Variants in CCNC observed in about 807,000 individuals in gnomAD.
CCNC encodes cyclin C.
CCNC carries 19 observed loss-of-function variants against 50.0 expected under a neutral mutation model. The ratio of observed to expected loss-of-function variants is 0.38; its 90% CI spans 0.27 to 0.56. The LOEUF (loss-of-function observed/expected upper bound fraction) is 0.56. Ranked by LOEUF, CCNC falls within the 20% of genes least tolerant of loss-of-function variation. CCNC has a pLI of 0.72. For synonymous variants in CCNC, 93 were observed against 103.7 expected (o/e 0.90, Z 0.63); for missense variants, 200 against 327.1 (o/e 0.61, Z 3.00).
At chr6:99,567,420 C>A (rs9385794) in intron 1 of CCNC, among the ~76,000 whole-genome samples, 1 of 83,596 alleles carries the variant, frequency 1.2e-5, no homozygotes, top group Non-Finnish European at 2.4e-5. Context: ...CACACACACA[C>A]ATATATATAC....
At chr6:99,558,368 T>G (rs486881) in intron 5 of CCNC, 129 bp downstream of exon 5, 1,140,385 of 1,405,512 alleles carry the variant, frequency 0.81, 466,495 homozygotes, top group East Asian at 1. Context: ...AGATATAAAG[T>G]TATCCTCAGG....
At chr6:99,557,443 T>G (rs1437033661) in intron 5 of CCNC, 1 of 152,130 alleles carries the variant, frequency 6.6e-6, no homozygotes, top group Admixed American at 6.6e-5. Context: ...AATTCGTATG[T>G]TGAAGCCCTA....
chr6:99,561,222 G>T, intron 4 of CCNC, 145 bp downstream of exon 4: 1 of 667,288 alleles, frequency 1.5e-6, no homozygotes, highest in South Asian at 1.8e-5. Context: ...ATAAGGATAT[G>T]TATATATTTC....
chr6:99,562,942 T>C lies in CCNC; in HGVS notation c.39A>G (p.Gln13=), dbSNP rs747362159. Residue 13 remains glutamine, a synonymous_variant, in exon 2 of 12, where the codon CAA becomes CAG. Coordinates refer to ENST00000520429, the MANE Select transcript of CCNC (RefSeq NM_005190.4). ...ACAGATCTTGTTTATCCAAAATCCA[T>C]TGCAAACTAGAAAAGACATGTTACA... ...GNFWQSSHYL[Q]WILDKQDLLK... The C allele has an allele frequency of 2.3e-5, 36 of 1,591,274 alleles. No homozygotes were observed. The highest frequency in any genetic ancestry group is 4.5e-5 in the South Asian group (4 of 88,662).
At chr6:99,545,962 C>A (rs1371423527) in intron 10 of CCNC, among the ~76,000 whole-genome samples, 1 of 152,078 alleles carries the variant, frequency 6.6e-6, no homozygotes, top group Non-Finnish European at 1.5e-5. Flanking sequence ...AGCATTAACT[C>A]TTCCTACCAA....
intron 11 of CCNC, among the ~76,000 whole-genome samples, chr6:99,544,689 T>C (rs537482561): frequency 1.5e-4 from 22 of 151,026 alleles, no homozygotes; most frequent in Non-Finnish European, 2.1e-4. Flanking sequence ...AGATCATTCA[T>C]TGAAATTTTT....
At chr6:99,547,277 A>T (rs1247616615) in intron 9 of CCNC, among the ~76,000 whole-genome samples, 1 of 152,158 alleles carries the variant, frequency 6.6e-6, no homozygotes, top group Non-Finnish European at 1.5e-5. Flanking sequence ...AAGCAAAGCT[A>T]TGAGTAGGGC....
Position 99,561,428 on chromosome 6 carries a change from A to G in CCNC, c.233T>C (p.Leu78Pro). ...CATTAATACAGGATCTATACTTTTC[A>G]GAGAATACCTAAAATATGATAAAAC... ...YFKRFYARYS[L>P]KSIDPVLMAP... Residue 78 changes from leucine (L) to proline (P), a missense_variant, in exon 4 of 12, where the codon CTG (leucine) becomes CCG (proline). Leu to Pro is a moderately conservative substitution (Grantham distance 98). Transcript: ENST00000520429. 6.4e-7 allele frequency: 1 copy of G among 1,564,596 alleles called. No individual in the cohort carries two copies. Among genetic ancestry groups the G allele is most frequent in the Non-Finnish European group, 8.6e-7 (1 of 1,159,036 alleles).
intron 6 of CCNC, among the ~76,000 whole-genome samples, chr6:99,551,623 CAAGGTGATTTAA>C (rs901682151): frequency 7.2e-5 from 11 of 152,006 alleles, no homozygotes; most frequent in African/African-American, 2.7e-4. Context: ...TACAAGTTCC[CAAGGTGATTTAA>C]TGAGCAGCCA....
At chr6:99,550,382 A>T in intron 7 of CCNC, 73 bp from the exon 8 acceptor site, 1 of 994,962 alleles carries the variant, frequency 1.0e-6, no homozygotes, top group Non-Finnish European at 1.5e-6. Flanking sequence ...ATCATTACCC[A>T]ACTGATTTGT....
At chr6:99,567,036 G>T (rs1488975536) in intron 1 of CCNC, 4 of 408,268 alleles carry the variant, frequency 9.8e-6, no homozygotes, top group African/African-American at 8.4e-5. Context: ...CCTTCTTTTA[G>T]GACTATTTGA....
intron 10 of CCNC, 62 bp downstream of exon 10, chr6:99,546,333 A>G (rs1469328077): frequency 9.2e-7 from 1 of 1,088,524 alleles, no homozygotes; most frequent in Non-Finnish European, 1.4e-6. Context: ...TTTTAGGCTC[A>G]TGATAAGTAA....
At chr6:99,559,190 C>CTA (rs1214206582) in intron 4 of CCNC, among the ~76,000 whole-genome samples, 2 of 140,404 alleles carry the variant, frequency 1.4e-5, no homozygotes, top group African/African-American at 5.5e-5. Flanking sequence ...ACCAAAAGAA[C>CTA]TAAAAAAAAA....
intron 10 of CCNC, 149 bp from the exon 11 acceptor site, chr6:99,545,379 C>T (rs1203862772): frequency 2.4e-5 from 14 of 571,682 alleles, no homozygotes; most frequent in Non-Finnish European, 4.4e-5. Context: ...TTTTTCACCA[C>T]AGTGCTGTTT....
intron 1 of CCNC, among the ~76,000 whole-genome samples, chr6:99,567,406 C>T (rs574111331): frequency 1.7e-5 from 2 of 117,202 alleles, no homozygotes. Context: ...TATATATATA[C>T]ATACACACAC....
At chr6:99,549,263 C>T (rs1420204474) in intron 9 of CCNC, 17 of 560,576 alleles carry the variant, frequency 3.0e-5, no homozygotes, top group Middle Eastern at 5.0e-4. Flanking sequence ...ATTCAGACAC[C>T]GATTAAAACT....
intron 10 of CCNC, among the ~76,000 whole-genome samples, 190 bp from the exon 11 acceptor site, chr6:99,545,420 G>A (rs990432220): frequency 6.6e-6 from 1 of 152,070 alleles, no homozygotes; most frequent in Non-Finnish European, 1.5e-5. Context: ...TCATTTTTCA[G>A]CATGTGTGCA....
chr6:99,564,935 A>G (rs1769056318), intron 1 of CCNC, among the ~76,000 whole-genome samples: 1 of 152,168 alleles, frequency 6.6e-6, no homozygotes, highest in Non-Finnish European at 1.5e-5. Context: ...CAGAGTATAA[A>G]GCAGGGATCC....
chr6:99,551,911 A>C lies in CCNC; in HGVS notation c.347-16T>G. 1 of 1,391,808 alleles carries C rather than the reference A, an allele frequency of 7.2e-7. No homozygotes were observed. Among genetic ancestry groups the C allele is most frequent in the Non-Finnish European group, 9.6e-7 (1 of 1,038,136 alleles). 86.2% of individuals were successfully genotyped at this position (1,391,808 alleles called of 1,614,324 possible). The stretch of plus-strand genomic sequence containing the variant: ...CTAGTTTTTACTGCAGAAAATAAAA[A>C]AAAAATTTAAACTGAGAAAATGGGA... On this transcript the variant is annotated splice_polypyrimidine_tract_variant and intron_variant, in intron 5 of 11. Coordinates refer to ENST00000520429, the MANE Select transcript of CCNC (RefSeq NM_005190.4).
Sources: gnomAD v4.1 joint callset for allele counts (sites outside exome capture counted in the v4.1 genomes callset) on GRCh38, gnomAD v4.1.1 for gene constraint, MANE v1.5 for transcripts, NCBI Gene and HGNC (gene_info 2026-07-23, HGNC 2026-07-21) for gene names.